The following UTRN variants were observed in gnomAD, a reference collection of about 807,000 sequenced individuals.
UTRN encodes utrophin.
In UTRN, 283 loss-of-function variants were observed where a neutral mutation model predicts 463.9. That is an observed-to-expected ratio of 0.61 (90% confidence interval 0.55 to 0.67). The LOEUF (loss-of-function observed/expected upper bound fraction) is 0.67. UTRN is among the 30% of genes least tolerant of loss of function. The pLI is 0.00. For synonymous variants in UTRN, 1,442 were observed against 1,431.5 expected (o/e 1.01, Z -0.17); for missense variants, 3,922 against 4,084.3 (o/e 0.96, Z 1.08).
Position 144,356,803 on chromosome 6 carries a change from C to A in UTRN, c.80-46320C>A, listed in dbSNP as rs111281959. Among the ~76,000 whole-genome samples the A allele has an allele frequency of 9.9e-4, 150 of 151,500 alleles. 1 individual carries two copies. Among genetic ancestry groups the A allele is most frequent in the Non-Finnish European group, 1.4e-3 (97 of 67,898 alleles). On this transcript the variant is annotated intron_variant, in intron 2 of 74. Transcript: ENST00000367545. ...TTGCACCACTGCATTCTGTCTTGGG[C>A]GACAGAGCAAGACTCCGTCTAAAAT...
At chr6:144,469,042 C>A (rs1241191864) in intron 23 of UTRN, among the ~76,000 whole-genome samples, 1 of 152,170 alleles carries the variant, frequency 6.6e-6, no homozygotes, top group Non-Finnish European at 1.5e-5. Flanking sequence ...TGCTGCCAGG[C>A]ACTTCTAAAG....
intron 2 of UTRN, among the ~76,000 whole-genome samples, chr6:144,331,431 G>A (rs756818849): frequency 2.0e-4 from 31 of 152,078 alleles, no homozygotes; most frequent in Non-Finnish European, 4.3e-4. Flanking sequence ...TCTCCGTGAT[G>A]GAAAAAGATT....
chr6:144,658,600 AT>A (rs921022850), intron 51 of UTRN, among the ~76,000 whole-genome samples: 2 of 152,182 alleles, frequency 1.3e-5, no homozygotes, highest in African/African-American at 4.8e-5. Flanking sequence ...TTATATTAAA[AT>A]TTACATTATT....
At chr6:144,454,781 C>T (rs928959301) in intron 19 of UTRN, among the ~76,000 whole-genome samples, 7 of 152,100 alleles carry the variant, frequency 4.6e-5, no homozygotes, top group African/African-American at 1.4e-4. Flanking sequence ...GTTCCTCAGC[C>T]TCTCAATTAT....
At chr6:144,421,581 C>T (rs999842622) in intron 3 of UTRN, among the ~76,000 whole-genome samples, 12 of 151,556 alleles carry the variant, frequency 7.9e-5, no homozygotes, top group African/African-American at 2.2e-4. Context: ...CCCAGCTACT[C>T]GGGAGGCTGA....
At chr6:144,486,144 G>A (rs1481032335) in intron 28 of UTRN, among the ~76,000 whole-genome samples, 2 of 152,206 alleles carry the variant, frequency 1.3e-5, no homozygotes, top group African/African-American at 4.8e-5. Context: ...GAAAAGGGAA[G>A]GGGGTAGATA....
intron 51 of UTRN, among the ~76,000 whole-genome samples, chr6:144,583,858 A>G (rs535754691): frequency 6.6e-6 from 1 of 152,244 alleles, no homozygotes; most frequent in South Asian, 2.1e-4. Flanking sequence ...TTTGGAGAAA[A>G]TATGATGCAA....
chr6:144,679,483 G>A (rs1304102818), intron 52 of UTRN, among the ~76,000 whole-genome samples: 7 of 152,108 alleles, frequency 4.6e-5, no homozygotes, highest in Non-Finnish European at 1.0e-4. Flanking sequence ...AAATGGTCTT[G>A]AATTTGACTC....
intron 66 of UTRN, among the ~76,000 whole-genome samples, chr6:144,824,464 G>C (rs1401795252): frequency 6.3e-5 from 5 of 79,848 alleles, no homozygotes; most frequent in Admixed American, 2.8e-4. Flanking sequence ...CAATAAATAT[G>C]TATATATAGT....
intron 65 of UTRN, among the ~76,000 whole-genome samples, chr6:144,809,804 A>G (rs1778453003): frequency 6.6e-6 from 1 of 152,148 alleles, no homozygotes; most frequent in African/African-American, 2.4e-5. Context: ...TAGTAGATGA[A>G]GCTAAGGGGA....
intron 51 of UTRN, among the ~76,000 whole-genome samples, chr6:144,657,360 C>A (rs557981217): frequency 1.3e-5 from 2 of 151,544 alleles, no homozygotes; most frequent in East Asian, 3.9e-4. Context: ...TAAGTGTCAT[C>A]GTTTCTACCT....
intron 48 of UTRN, among the ~76,000 whole-genome samples, chr6:144,554,203 C>G (rs1463025935): frequency 6.6e-6 from 1 of 151,894 alleles, no homozygotes; most frequent in Admixed American, 6.5e-5. Flanking sequence ...TACAGTAAAA[C>G]AAATGCAAAA....
intron 51 of UTRN, among the ~76,000 whole-genome samples, chr6:144,621,566 C>T (rs545837976): frequency 1.3e-5 from 2 of 152,238 alleles, no homozygotes; most frequent in South Asian, 4.2e-4. Flanking sequence ...TGTATATTCT[C>T]TCCTTGATGG....
At chr6:144,648,304 T>C (rs1778480468) in intron 51 of UTRN, among the ~76,000 whole-genome samples, 1 of 152,220 alleles carries the variant, frequency 6.6e-6, no homozygotes, top group African/African-American at 2.4e-5. Flanking sequence ...TTTACCCTAA[T>C]ATCCATTTCT....
At chr6:144,541,490 G>A (rs1302308142) in intron 45 of UTRN, among the ~76,000 whole-genome samples, 1 of 152,128 alleles carries the variant, frequency 6.6e-6, no homozygotes, top group Non-Finnish European at 1.5e-5. Context: ...AATTCACTTT[G>A]GTGAATTATG....
chr6:144,510,630 G>T (rs940834892), intron 34 of UTRN, among the ~76,000 whole-genome samples: 5 of 152,120 alleles, frequency 3.3e-5, no homozygotes, highest in Admixed American at 6.6e-5. Context: ...TTAGAGTGAT[G>T]ATGAAGGTAA....
Position 144,580,637 on chromosome 6 carries a change from C to T in UTRN, c.7479+3349C>T, listed in dbSNP as rs1325633178. On this transcript the variant is annotated intron_variant, in intron 51 of 74. Transcript: ENST00000367545. ...AGAAGCCTTTTGGCAAGAGAAAAGCCGATTCTTTGGAGCCCTGCAGGAGAG... is the reference window on the plus strand; with the variant it reads ...AGAAGCCTTTTGGCAAGAGAAAAGCTGATTCTTTGGAGCCCTGCAGGAGAG... Among the ~76,000 whole-genome samples the T allele has an allele frequency of 2.6e-5, 4 of 152,110 alleles. No individual in the cohort carries two copies. In the East Asian group the frequency reaches 5.8e-4, roughly 22 times the overall value.
intron 51 of UTRN, among the ~76,000 whole-genome samples, chr6:144,588,190 C>T (rs1190407073): frequency 6.6e-6 from 1 of 152,178 alleles, no homozygotes; most frequent in African/African-American, 2.4e-5. Flanking sequence ...CACTATCAGA[C>T]ATGATTCCTG....
At chr6:144,726,751 G>A (rs766712991) in intron 53 of UTRN, among the ~76,000 whole-genome samples, 1 of 152,154 alleles carries the variant, frequency 6.6e-6, no homozygotes, top group Non-Finnish European at 1.5e-5. Flanking sequence ...CCTTAAAAAG[G>A]ATGAGGGAAT....
Sources: allele counts gnomAD v4.1 joint callset (sites outside exome capture counted in the v4.1 genomes callset), GRCh38; gene constraint gnomAD v4.1.1; transcripts MANE v1.5; gene names NCBI Gene and HGNC (gene_info 2026-07-23, HGNC 2026-07-21).